Variants in SH3BGRL2 observed in about 807,000 individuals in gnomAD.
The protein encoded by SH3BGRL2 is SH3 domain-binding glutamic acid-rich-like protein 2.
In SH3BGRL2, 21 loss-of-function variants were observed where a neutral mutation model predicts 14.8. That is an observed-to-expected ratio of 1.42 (90% CI 1.01 to 2.05). The LOEUF is 2.05. SH3BGRL2 is among the 30% of genes most tolerant of loss of function. The pLI, the probability that SH3BGRL2 is intolerant of heterozygous loss-of-function variation, is 0.00. For missense variants in SH3BGRL2, 147 were observed against 130.8 expected (o/e 1.12, Z -0.61); for synonymous variants, 50 against 47.8 (o/e 1.05, Z -0.19).
chr6:79,577,629 T>C, the SH3BGRL2 span, among the ~76,000 whole-genome samples: 13 of 152,130 alleles, frequency 8.5e-5, no homozygotes, highest in African/African-American at 3.1e-4. Context: ...TATATCTACA[T>C]TAAAATCTAA....
intron 2 of SH3BGRL2, among the ~76,000 whole-genome samples, chr6:79,692,180 T>C (rs1212659813): frequency 6.6e-6 from 1 of 152,258 alleles, no homozygotes; most frequent in Non-Finnish European, 1.5e-5. Flanking sequence ...GTTTATATCC[T>C]TCGCCCACTT....
chr6:79,553,596 G>C, the SH3BGRL2 span, among the ~76,000 whole-genome samples: 1 of 152,206 alleles, frequency 6.6e-6, no homozygotes, highest in East Asian at 1.9e-4. Flanking sequence ...ACACCAAAGA[G>C]AGGCGACTTA....
At chr6:79,646,284 T>A (rs1435445523) in intron 1 of SH3BGRL2, among the ~76,000 whole-genome samples, 2 of 152,182 alleles carry the variant, frequency 1.3e-5, no homozygotes, top group African/African-American at 4.8e-5. Context: ...ACTGAAGAGA[T>A]CGTTTAATTC....
chr6:79,644,080 A>T (rs1769082153), intron 1 of SH3BGRL2, among the ~76,000 whole-genome samples: 1 of 152,206 alleles, frequency 6.6e-6, no homozygotes, highest in South Asian at 2.1e-4. Context: ...CTTTTGGGCA[A>T]CAGATCCATG....
At chr6:79,590,694 G>A in the SH3BGRL2 span, among the ~76,000 whole-genome samples, 2 of 151,748 alleles carry the variant, frequency 1.3e-5, no homozygotes, top group East Asian at 3.9e-4. Flanking sequence ...GAGGGATGTG[G>A]AATGTGGGGG....
At chr6:79,600,879 C>T in the SH3BGRL2 span, among the ~76,000 whole-genome samples, 3 of 151,050 alleles carry the variant, frequency 2.0e-5, no homozygotes, top group Non-Finnish European at 2.9e-5. Flanking sequence ...TTAATAAATC[C>T]TCACTGTCAC....
At chr6:79,597,343 AAAG>A in the SH3BGRL2 span, among the ~76,000 whole-genome samples, 287 of 151,084 alleles carry the variant, frequency 1.9e-3, no homozygotes, top group African/African-American at 6.4e-3. Context: ...AGAAAAAAGA[AAAG>A]AAAGAGGAAG....
chr6:79,687,762 C>A (rs1770131029), intron 2 of SH3BGRL2, among the ~76,000 whole-genome samples: 1 of 152,164 alleles, frequency 6.6e-6, no homozygotes, highest in African/African-American at 2.4e-5. Context: ...AAAAAATATT[C>A]TTCTTTTGGG....
intron 3 of SH3BGRL2, among the ~76,000 whole-genome samples, chr6:79,698,295 CT>C (rs1293179754): frequency 6.6e-6 from 1 of 152,148 alleles, no homozygotes; most frequent in Non-Finnish European, 1.5e-5. Flanking sequence ...GTGAAAATGT[CT>C]TCAAGAACAA....
chr6:79,575,032 G>A, the SH3BGRL2 span: 1 of 152,196 alleles, frequency 6.6e-6, no homozygotes, highest in African/African-American at 2.4e-5. Context: ...ATTTGTCCCT[G>A]AAGGAGTATG....
In SH3BGRL2 at chr6:79,703,475, A is replaced by T. The variant is rs568354605; in HGVS notation, c.*3966A>T. 6.6e-6 allele frequency: 1 copy of T among 152,176 alleles called. No individual in the cohort carries two copies. Among genetic ancestry groups the T allele is most frequent in the Admixed American group, 6.5e-5 (1 of 15,272 alleles). The allele number at this position is 152,176 out of a possible 1,614,324, so 9.4% of individuals were successfully genotyped here. A position where few individuals can be genotyped will look rare whatever the true frequency, so the allele number is the denominator to read the frequency against. Reference sequence around the variant, plus strand: ...ACAATAAACAAACCCCTGTGTGCCTACCACCCACCTTATTGCCTTTCCTTT... The same window carrying T: ...ACAATAAACAAACCCCTGTGTGCCTTCCACCCACCTTATTGCCTTTCCTTT... On this transcript the variant is annotated 3_prime_UTR_variant, in exon 4 of 4. Transcript: ENST00000369838.
At chr6:79,611,566 A>AT in the SH3BGRL2 span, among the ~76,000 whole-genome samples, 1 of 152,040 alleles carries the variant, frequency 6.6e-6, no homozygotes, top group Non-Finnish European at 1.5e-5. Context: ...GTCTGCCACC[A>AT]TGCCCAGCTA....
chr6:79,556,366 A>G, the SH3BGRL2 span, among the ~76,000 whole-genome samples: 2 of 152,202 alleles, frequency 1.3e-5, no homozygotes, highest in Non-Finnish European at 2.9e-5. Context: ...AACAAAAGTT[A>G]TGAACAATTA....
At chr6:79,668,219 A>G (rs570332494) in intron 1 of SH3BGRL2, among the ~76,000 whole-genome samples, 7 of 152,184 alleles carry the variant, frequency 4.6e-5, no homozygotes, top group East Asian at 1.9e-4. Context: ...AGAAGAGAGT[A>G]GAGGCATGCA....
the SH3BGRL2 span, among the ~76,000 whole-genome samples, chr6:79,607,331 C>T: frequency 1.7e-4 from 26 of 152,278 alleles, no homozygotes; most frequent in Admixed American, 1.6e-3. Context: ...TGGACTATTA[C>T]ACTCAAAATG....
the SH3BGRL2 span, among the ~76,000 whole-genome samples, chr6:79,568,893 AT>A: frequency 6.6e-6 from 1 of 152,192 alleles, no homozygotes; most frequent in African/African-American, 2.4e-5. Context: ...TTAAAAATGA[AT>A]TTTTTTGTTA....
At chr6:79,592,708 C>T in the SH3BGRL2 span, among the ~76,000 whole-genome samples, 2 of 152,138 alleles carry the variant, frequency 1.3e-5, no homozygotes, top group African/African-American at 4.8e-5. Context: ...ATTGTGGGGA[C>T]ACCATATAAG....
At chr6:79,689,871 T>C (rs1770174872) in intron 2 of SH3BGRL2, among the ~76,000 whole-genome samples, 2 of 152,218 alleles carry the variant, frequency 1.3e-5, no homozygotes, top group Admixed American at 6.5e-5. Flanking sequence ...CTTTTGAAAG[T>C]AGAATTCATA....
rs1292992305 is a variant in SH3BGRL2, at chr6:79,699,609, C to CATTATCAG, written c.*101_*108dup. 1 of 1,376,534 alleles carries CATTATCAG rather than the reference C, an allele frequency of 7.3e-7. No homozygotes were observed. Among genetic ancestry groups the CATTATCAG allele is most frequent in the Admixed American group, 2.4e-5 (1 of 41,456 alleles). The allele number at this position is 1,376,534 out of a possible 1,614,324, so 85.3% of individuals were successfully genotyped here. ...GCATCACTGTGACAAAAGCCACACG[C>CATTATCAG]ATTATCAGTAACTTTGCTTGCCACG... On this transcript the variant is annotated 3_prime_UTR_variant, in exon 4 of 4. Coordinates refer to ENST00000369838, the MANE Select transcript of SH3BGRL2 (RefSeq NM_031469.4).
Sources: gnomAD v4.1 joint callset for allele counts (sites outside exome capture counted in the v4.1 genomes callset) on GRCh38, gnomAD v4.1.1 for gene constraint, MANE v1.5 for transcripts, NCBI Gene and HGNC (gene_info 2026-07-23, HGNC 2026-07-21) for gene names.